Variants in AOAH observed in about 807,000 individuals in gnomAD.
AOAH encodes acyloxyacyl hydrolase (neutrophil).
In AOAH, 64 loss-of-function variants were observed where a neutral mutation model predicts 92.2. The observed-to-expected ratio is 0.69, with a 90% CI of 0.57 to 0.86. AOAH has a LOEUF of 0.86. Among genes scored for constraint, AOAH ranks in the 40% least tolerant of loss-of-function variants. AOAH has a pLI of 0.00. For missense variants in AOAH, 656 were observed against 694.6 expected (o/e 0.94, Z 0.62); for synonymous variants, 263 against 254.5 (o/e 1.03, Z -0.32).
chr7:36,659,075 TGAGC>T (rs1475749851), intron 4 of AOAH, 87 bp downstream of exon 4: 47 of 1,050,488 alleles, frequency 4.5e-5, no homozygotes, highest in Non-Finnish European at 6.0e-6. Context: ...CCCAAAACAC[TGAGC>T]GAGTAAAAGC....
intron 3 of AOAH, among the ~76,000 whole-genome samples, chr7:36,672,330 C>G (rs1336223381): frequency 2.0e-5 from 3 of 152,092 alleles, no homozygotes; most frequent in Non-Finnish European, 4.4e-5. Context: ...GCTAATGGCC[C>G]CTTGAAGAGG....
At chr7:36,582,995 C>T (rs982759004) in intron 12 of AOAH, among the ~76,000 whole-genome samples, 1 of 152,118 alleles carries the variant, frequency 6.6e-6, no homozygotes, top group Non-Finnish European at 1.5e-5. Flanking sequence ...TAAGCGCATG[C>T]CACCATGCCC....
At chr7:36,688,288 T>C (rs889979431) in intron 1 of AOAH, among the ~76,000 whole-genome samples, 17 of 152,210 alleles carry the variant, frequency 1.1e-4, no homozygotes, top group African/African-American at 3.4e-4. Flanking sequence ...ACCTTATTTT[T>C]TAAATTTTAC....
chr7:36,557,806 T>C (rs1786885918), intron 13 of AOAH, among the ~76,000 whole-genome samples: 3 of 152,182 alleles, frequency 2.0e-5, no homozygotes, highest in Non-Finnish European at 2.9e-5. Flanking sequence ...ATTCTTCACG[T>C]AGTTCTCGAG....
At position 36,724,218 on chromosome 7, in the gene AOAH, G is replaced by A. The variant is rs1287149771; in HGVS notation, c.-70C>T. The A allele has an allele frequency of 8.8e-6, 14 of 1,583,866 alleles. No homozygotes were observed. The highest frequency in any genetic ancestry group is 1.1e-5 in the Non-Finnish European group (13 of 1,159,052). On this transcript the variant is annotated 5_prime_UTR_variant, in exon 1 of 21. Coordinates refer to ENST00000617537, the MANE Select transcript of AOAH (RefSeq NM_001637.4). ...CCAACTGAGGGATGCTGGAGCTGAG[G>A]CTGCAGAATCAATTGATCTCTCTCT...
intron 1 of AOAH, among the ~76,000 whole-genome samples, chr7:36,714,786 G>A (rs1429916180): frequency 6.6e-6 from 1 of 152,266 alleles, no homozygotes; most frequent in Non-Finnish European, 1.5e-5. Context: ...AACGCTTCAT[G>A]CTAAAATCTC....
chr7:36,712,159 C>T (rs1446039732), intron 1 of AOAH, among the ~76,000 whole-genome samples: 1 of 152,184 alleles, frequency 6.6e-6, no homozygotes, highest in Non-Finnish European at 1.5e-5. Context: ...TAAATCCTTC[C>T]TATTCTTGTC....
intron 1 of AOAH, among the ~76,000 whole-genome samples, chr7:36,711,730 G>A (rs917687920): frequency 5.3e-5 from 8 of 152,168 alleles, no homozygotes; most frequent in Non-Finnish European, 7.4e-5. Context: ...GCTAGACCGC[G>A]AAGATCTGCC....
At chr7:36,674,107 ATTAAT>A in intron 2 of AOAH, 98 bp from the exon 3 acceptor site, 1 of 682,258 alleles carries the variant, frequency 1.5e-6, no homozygotes, top group Non-Finnish European at 2.5e-6. Flanking sequence ...AAGCTGAGTG[ATTAAT>A]TTATGATTAA....
chr7:36,541,448 A>C (rs1785418100), intron 15 of AOAH, among the ~76,000 whole-genome samples: 1 of 152,228 alleles, frequency 6.6e-6, no homozygotes, highest in South Asian at 2.1e-4. Context: ...CTTTACCCTC[A>C]ATCAGACATT....
At chr7:36,538,246 T>C (rs1212620735) in intron 16 of AOAH, among the ~76,000 whole-genome samples, 1 of 151,944 alleles carries the variant, frequency 6.6e-6, no homozygotes, top group East Asian at 1.9e-4. Flanking sequence ...CAGGCTTGAC[T>C]TGAACTCTCG....
intron 1 of AOAH, chr7:36,690,150 T>TA: frequency 4.4e-6 from 2 of 455,276 alleles, no homozygotes; most frequent in South Asian, 1.6e-5. Flanking sequence ...CAAGGACTCT[T>TA]ATGACAGTTG....
At chr7:36,527,662 T>A (rs765179491) in intron 19 of AOAH, among the ~76,000 whole-genome samples, 7 of 152,140 alleles carry the variant, frequency 4.6e-5, no homozygotes, top group Non-Finnish European at 8.8e-5. Context: ...AATCTTTACG[T>A]GGGTTAGTTA....
chr7:36,691,657 G>A (rs1797407435), intron 1 of AOAH, among the ~76,000 whole-genome samples: 1 of 152,126 alleles, frequency 6.6e-6, no homozygotes, highest in Non-Finnish European at 1.5e-5. Flanking sequence ...TAGGATTTTG[G>A]CACCCATGGA....
chr7:36,713,706 C>A (rs577078042), intron 1 of AOAH, among the ~76,000 whole-genome samples: 1 of 152,330 alleles, frequency 6.6e-6, no homozygotes, highest in South Asian at 2.1e-4. Flanking sequence ...GGAAACTGAA[C>A]AACCTGCTCC....
intron 15 of AOAH, among the ~76,000 whole-genome samples, chr7:36,547,245 T>C (rs1391167451): frequency 6.6e-6 from 1 of 152,192 alleles, no homozygotes; most frequent in Admixed American, 6.5e-5. Context: ...AATGTAGCCT[T>C]GGCCAACTTG....
intron 13 of AOAH, among the ~76,000 whole-genome samples, chr7:36,554,578 A>G (rs578123540): frequency 3.3e-4 from 50 of 152,326 alleles, no homozygotes; most frequent in African/African-American, 1.1e-3. Context: ...CTTGGGCAGT[A>G]TGGCCATTTT....
At chr7:36,705,472 G>A (rs1465306846) in intron 1 of AOAH, among the ~76,000 whole-genome samples, 1 of 152,086 alleles carries the variant, frequency 6.6e-6, no homozygotes, top group South Asian at 2.1e-4. Context: ...CATTGCTCAA[G>A]GAAATAAGAG....
At chr7:36,613,308 A>G (rs1791607403) in intron 11 of AOAH, among the ~76,000 whole-genome samples, 1 of 152,084 alleles carries the variant, frequency 6.6e-6, no homozygotes, top group East Asian at 1.9e-4. Flanking sequence ...CCCTCCTAGT[A>G]TCTTCCCTCG....
Sources: gnomAD v4.1 joint callset for allele counts (sites outside exome capture counted in the v4.1 genomes callset) on GRCh38, gnomAD v4.1.1 for gene constraint, MANE v1.5 for transcripts, NCBI Gene and HGNC (gene_info 2026-07-23, HGNC 2026-07-21) for gene names.